Variants in OTUD7A observed in about 807,000 individuals in gnomAD.
OTUD7A encodes the protein OTU deubiquitinase 7A.
In OTUD7A, 12 loss-of-function variants were observed where a neutral mutation model predicts 65.7. The observed-to-expected ratio is 0.18, with a 90% CI of 0.12 to 0.30. The LOEUF (loss-of-function observed/expected upper bound fraction) is 0.30. Among genes scored for constraint, OTUD7A ranks in the 10% least tolerant of loss-of-function variants. OTUD7A has a pLI of 1.00. For synonymous variants in OTUD7A, 641 were observed against 586.3 expected (o/e 1.09, Z -1.35); for missense variants, 1,148 against 1,304.8 (o/e 0.88, Z 1.85).
At chr15:31,513,969 T>C (rs1041306070) in intron 8 of OTUD7A, among the ~76,000 whole-genome samples, 1 of 152,198 alleles carries the variant, frequency 6.6e-6, no homozygotes, top group Non-Finnish European at 1.5e-5. Flanking sequence ...TACTCCTTGA[T>C]GTGGTCAGTG....
chr15:31,641,755 A>G (rs1055001319), intron 3 of OTUD7A, among the ~76,000 whole-genome samples: 1 of 152,190 alleles, frequency 6.6e-6, no homozygotes, highest in Admixed American at 6.5e-5. Flanking sequence ...ATTTCTCTAT[A>G]TTGGTTTTGT....
chr15:31,809,840 T>C (rs751505347), intron 1 of OTUD7A, among the ~76,000 whole-genome samples: 38 of 152,248 alleles, frequency 2.5e-4, no homozygotes, highest in Non-Finnish European at 4.4e-5. Flanking sequence ...ACTTTATTTA[T>C]GCACATCAGT....
In OTUD7A at chr15:31,483,755, C is replaced by T. The variant is rs1430447560; in HGVS notation, c.2341G>A (p.Val781Met). The T allele has an allele frequency of 9.2e-7, 1 of 1,087,544 alleles. No individual in the cohort carries two copies. Among genetic ancestry groups the T allele is most frequent in the African/African-American group, 1.7e-5 (1 of 59,214 alleles). The allele number at this position is 1,087,544 out of a possible 1,614,324, so 67.4% of individuals were successfully genotyped here. A position where few individuals can be genotyped will look rare whatever the true frequency, so the allele number is the denominator to read the frequency against. Residue 781 changes from valine to methionine, a missense_variant, in exon 13 of 13, where the codon GTG (valine) becomes ATG (methionine). By Grantham distance (21) the Val-to-Met change is conservative. Around this residue, in one of 6 missense-constraint regions of OTUD7A, gnomAD observed 842 missense variants for 769.5 expected, o/e 1.09. Transcript: ENST00000307050. Reference protein sequence around the residue: ...PAPARQSVIHVQASGARDEAC... With the variant: ...PAPARQSVIHMQASGARDEAC... ...TCGTCCCGCGCGCCCGACGCCTGCA[C>T]GTGGATGACGCTCTGGCGCGCTGGC...
chr15:31,574,031 A>G lies in OTUD7A; in HGVS notation c.152-3834T>C, dbSNP rs149088088. ...TATACTATTGGTTAAATTAGATGGT[A>G]GAAGAGAGAGGGGAGAATGAAGGAA... On this transcript the variant is annotated intron_variant, in intron 3 of 12. Coordinates refer to ENST00000307050, the MANE Select transcript of OTUD7A (RefSeq NM_001382637.1). Among the ~76,000 whole-genome samples the G allele has an allele frequency of 5.9e-5, 9 of 152,340 alleles. No homozygotes were observed. The South Asian group carries it at 8.3e-4, about 14-fold the overall frequency.
intron 3 of OTUD7A, among the ~76,000 whole-genome samples, chr15:31,599,017 T>C (rs192397182): frequency 1.7e-4 from 26 of 152,234 alleles, no homozygotes; most frequent in African/African-American, 5.1e-4. Context: ...CAGGGACTTA[T>C]AGATAAAACT....
At chr15:31,574,775 G>C (rs1255112919) in intron 3 of OTUD7A, among the ~76,000 whole-genome samples, 1 of 152,138 alleles carries the variant, frequency 6.6e-6, no homozygotes, top group Non-Finnish European at 1.5e-5. Flanking sequence ...CTACTTTTCT[G>C]CAAGCCTGCC....
intron 1 of OTUD7A, among the ~76,000 whole-genome samples, chr15:31,750,913 T>TA (rs1894617359): frequency 6.6e-6 from 1 of 152,070 alleles, no homozygotes; most frequent in Non-Finnish European, 1.5e-5. Flanking sequence ...TATCGCCATA[T>TA]AAAAAATTAA....
chr15:31,775,266 C>T lies in OTUD7A; in HGVS notation c.-100+95241G>A, dbSNP rs1010413954. 6.6e-5 allele frequency among the ~76,000 whole-genome samples: 10 copies of T among 152,190 alleles called. 1 individual carries two copies. The highest frequency in any genetic ancestry group is 6.5e-4 in the Admixed American group (10 of 15,290). The stretch of plus-strand genomic sequence containing the variant: ...TATGGACCCAAGGCAGTTTTAAGAC[C>T]AACACTGTAGATTCATTTAAAAATA... On this transcript the variant is annotated intron_variant, in intron 1 of 12. Transcript: ENST00000307050.
chr15:31,709,454 G>T (rs1232686645), intron 1 of OTUD7A, among the ~76,000 whole-genome samples: 1 of 152,126 alleles, frequency 6.6e-6, no homozygotes, highest in African/African-American at 2.4e-5. Flanking sequence ...GAGATCCCCG[G>T]ATACACTTGT....
At chr15:31,711,068 A>AG (rs964887875) in intron 1 of OTUD7A, among the ~76,000 whole-genome samples, 2 of 82,564 alleles carry the variant, frequency 2.4e-5, no homozygotes, top group Admixed American at 2.4e-4. Flanking sequence ...TGGCCTGACT[A>AG]GGAAAAAAAA....
intron 3 of OTUD7A, among the ~76,000 whole-genome samples, chr15:31,591,126 A>G (rs1889710575): frequency 6.6e-6 from 1 of 151,962 alleles, no homozygotes; most frequent in African/African-American, 2.4e-5. Flanking sequence ...AGGAAGAGGG[A>G]GGGCAATATG....
At chr15:31,666,061 G>T (rs149886053) in intron 1 of OTUD7A, among the ~76,000 whole-genome samples, 177 of 151,866 alleles carry the variant, frequency 1.2e-3, no homozygotes, top group African/African-American at 4.1e-3. Flanking sequence ...CTGTTAGCCA[G>T]TATTTTGTTA....
At chr15:31,620,095 C>G (rs1205125569) in intron 3 of OTUD7A, among the ~76,000 whole-genome samples, 1 of 152,154 alleles carries the variant, frequency 6.6e-6, no homozygotes, top group Admixed American at 6.6e-5. Flanking sequence ...GTTGAACCAG[C>G]CTTGCATCCC....
chr15:31,499,681 G>A (rs2041435908), intron 10 of OTUD7A, among the ~76,000 whole-genome samples: 1 of 152,254 alleles, frequency 6.6e-6, no homozygotes. Context: ...GGGTCGTGGG[G>A]ACCTTATGGG....
At chr15:31,765,008 C>T (rs116415266) in intron 1 of OTUD7A, among the ~76,000 whole-genome samples, 2,129 of 151,958 alleles carry the variant, frequency 0.014, 58 homozygotes, top group African/African-American at 0.05. Flanking sequence ...TCATTGTCTC[C>T]GCATATCTGG....
At chr15:31,532,933 C>CAAA (rs35993038) in intron 5 of OTUD7A, among the ~76,000 whole-genome samples, 7 of 56,416 alleles carry the variant, frequency 1.2e-4, no homozygotes, top group African/African-American at 1.8e-4. Context: ...GACTCCGTAT[C>CAAA]AAAAAAAAAA....
At chr15:31,643,664 C>T (rs1284045590) in intron 3 of OTUD7A, among the ~76,000 whole-genome samples, 1 of 152,198 alleles carries the variant, frequency 6.6e-6, no homozygotes, top group Non-Finnish European at 1.5e-5. Context: ...GTTCCTGCTA[C>T]TTTGCATTCC....
At chr15:31,598,768 C>T (rs1157711806) in intron 3 of OTUD7A, among the ~76,000 whole-genome samples, 2 of 152,168 alleles carry the variant, frequency 1.3e-5, no homozygotes, top group East Asian at 1.9e-4. Context: ...TTGAAATTCT[C>T]GCTGCTAGCA....
chr15:31,676,009 C>G (rs1595702224), intron 1 of OTUD7A, among the ~76,000 whole-genome samples: 4 of 152,218 alleles, frequency 2.6e-5, no homozygotes, highest in African/African-American at 9.6e-5. Context: ...AGCTGACAAA[C>G]AGTTTCTAAA....
Sources: allele counts gnomAD v4.1 joint callset (sites outside exome capture counted in the v4.1 genomes callset), GRCh38; gene constraint gnomAD v4.1.1; regional missense constraint gnomAD v4.1.1; transcripts MANE v1.5; gene names NCBI Gene and HGNC (gene_info 2026-07-23, HGNC 2026-07-21).